WARS2: variants seen among roughly 807,000 people sequenced by gnomAD.
WARS2 encodes the protein tryptophanyl tRNA synthetase 2, mitochondrial, also known as tryptophan--tRNA ligase, mitochondrial.
Under a neutral mutation model 36.5 loss-of-function variants are expected in WARS2, and 28 were observed. That is an observed-to-expected ratio of 0.77 (90% CI 0.57 to 1.05). WARS2 has a LOEUF of 1.05. Among genes scored for constraint, WARS2 ranks in the 50% least tolerant of loss-of-function variants. WARS2 has a pLI of 0.00. For synonymous variants in WARS2, 174 were observed against 178.4 expected, an observed-to-expected ratio of 0.98 and a Z score of 0.20; for missense variants, 435 against 456.8, an observed-to-expected ratio of 0.95 and a Z score of 0.44.
At chr1:119,082,417 G>A (rs1017563257) in intron 1 of WARS2, 3 of 985,224 alleles carry the variant, frequency 3.0e-6, no homozygotes, top group Non-Finnish European at 3.6e-6. Flanking sequence ...TCAGAAACAT[G>A]CCCTGGCCCT....
chr1:119,091,951 C>T (rs587747085), intron 1 of WARS2, among the ~76,000 whole-genome samples: 56 of 152,250 alleles, frequency 3.7e-4, no homozygotes, highest in South Asian at 2.3e-3. Context: ...GGCAGTGCTT[C>T]GGAAGGATAA....
At position 119,076,497 on chromosome 1, in the gene WARS2, G is replaced by A; in HGVS notation, c.201C>T (p.Asp67=). 1 of 1,614,168 alleles carries A rather than the reference G, an allele frequency of 6.2e-7. No homozygotes were observed. ...ESWVRLQDEY[D]SVLYSIVDLH... is the part of the protein sequence containing the mutation. ...GGTCAACAATGCTGTATAATACAGAGTCATATTCATCCTGTAACCTCACCC... is the reference window on the plus strand; with the variant it reads ...GGTCAACAATGCTGTATAATACAGAATCATATTCATCCTGTAACCTCACCC... Residue 67 remains aspartate, a synonymous_variant, in exon 2 of 6, where the codon GAC becomes GAT. Coordinates refer to ENST00000235521, the MANE Select transcript of WARS2 (RefSeq NM_015836.4).
chr1:119,076,676 C>A, intron 1 of WARS2, 69 bp from the exon 2 acceptor site: 1 of 1,584,928 alleles, frequency 6.3e-7, no homozygotes, highest in South Asian at 1.2e-5. Context: ...CCCATGTTAT[C>A]ATAGCTATGG....
At chr1:119,038,949 T>G (rs1425025286) in intron 4 of WARS2, among the ~76,000 whole-genome samples, 1 of 152,246 alleles carries the variant, frequency 6.6e-6, no homozygotes, top group East Asian at 1.9e-4. Context: ...CCCAAAGTGC[T>G]GGGATTACAG....
At chr1:119,089,410 T>C (rs1327742084) in intron 1 of WARS2, among the ~76,000 whole-genome samples, 1 of 152,162 alleles carries the variant, frequency 6.6e-6, no homozygotes, top group African/African-American at 2.4e-5. Flanking sequence ...CACTAAAATA[T>C]GATTGTGATA....
chr1:119,097,066 C>T (rs2101436239), intron 1 of WARS2, among the ~76,000 whole-genome samples: 1 of 152,208 alleles, frequency 6.6e-6, no homozygotes, highest in South Asian at 2.1e-4. Flanking sequence ...GACCATCAAA[C>T]AGTAAAGGAC....
intron 1 of WARS2, among the ~76,000 whole-genome samples, chr1:119,103,061 C>T (rs1375493800): frequency 2.6e-5 from 4 of 152,258 alleles, no homozygotes; most frequent in Admixed American, 6.5e-5. Context: ...GTAATATTCA[C>T]GGAAAAGAGA....
At chr1:119,135,855 A>G (rs1345894811) in intron 1 of WARS2, among the ~76,000 whole-genome samples, 1 of 152,052 alleles carries the variant, frequency 6.6e-6, no homozygotes, top group Non-Finnish European at 1.5e-5. Context: ...TGCTCACTGA[A>G]GCCTTCCTGG....
intron 1 of WARS2, 113 bp from the exon 2 acceptor site, chr1:119,076,720 C>T: frequency 1.4e-6 from 2 of 1,430,356 alleles, no homozygotes; most frequent in Non-Finnish European, 1.9e-6. Flanking sequence ...TACAATCTGA[C>T]AGTCATCATC....
intron 1 of WARS2, chr1:119,127,381 G>A (rs761819398): frequency 8.1e-4 from 350 of 432,562 alleles, no homozygotes; most frequent in Admixed American, 2.1e-3. Flanking sequence ...AAAATCAAGC[G>A]ACTGCACAAG....
In WARS2 at chr1:119,076,210, C is replaced by T. The variant is rs1394182102; in HGVS notation, c.348+140G>A. The T allele has an allele frequency of 4.9e-6, 5 of 1,027,878 alleles. No individual in the cohort carries two copies. In the East Asian group the frequency reaches 1.3e-4, roughly 27 times the overall value. 63.7% of individuals were successfully genotyped at this position (1,027,878 alleles called of 1,614,324 possible). On this transcript the variant is annotated intron_variant, in intron 2 of 5. Transcript: ENST00000235521. ...ATATAAATACAAGTAAAACATTAAG[C>T]TGAAAAAAATCACATTTGAAAAAGT... is the stretch of plus-strand genomic sequence containing the variant.
rs142009930 is a variant in WARS2, at chr1:119,114,762, C to T, written c.90+25793G>A. 2.0e-4 allele frequency among the ~76,000 whole-genome samples: 30 copies of T among 152,282 alleles called. No individual in the cohort carries two copies. In the East Asian group the frequency reaches 5.6e-3, roughly 28 times the overall value. ...AAATAGCAATTCCCTACAATTTTAC[C>T]TACTGCAGAAGCTATAAATGAATTC... On this transcript the variant is annotated intron_variant, in intron 1 of 5. Transcript: ENST00000235521.
intron 1 of WARS2, among the ~76,000 whole-genome samples, chr1:119,135,761 G>GATAGATAGAGAGAT (rs765791930): frequency 3.0e-3 from 262 of 87,142 alleles, no homozygotes; most frequent in East Asian, 0.014. Context: ...TAGAGAGATA[G>GATAGATAGAGAGAT]AGAGAGAGAG....
At chr1:119,043,287 T>A (rs1173586872) in intron 3 of WARS2, among the ~76,000 whole-genome samples, 1 of 152,226 alleles carries the variant, frequency 6.6e-6, no homozygotes, top group East Asian at 1.9e-4. Context: ...ATTGAGTTAA[T>A]CTGAATCATT....
intron 4 of WARS2, among the ~76,000 whole-genome samples, chr1:119,038,939 C>A (rs1333005879): frequency 6.6e-6 from 1 of 152,222 alleles, no homozygotes; most frequent in Non-Finnish European, 1.5e-5. Context: ...GCCTCGGCCT[C>A]CCAAAGTGCT....
intron 2 of WARS2, among the ~76,000 whole-genome samples, chr1:119,073,160 GAAAAAAAAA>G (rs200552851): frequency 1.6e-5 from 1 of 61,774 alleles, no homozygotes; most frequent in Admixed American, 2.8e-4. Flanking sequence ...GTTCAAAAAA[GAAAAAAAAA>G]AAAAGAAAAG....
chr1:119,081,540 T>C (rs2885226), intron 1 of WARS2, among the ~76,000 whole-genome samples: 63,230 of 152,090 alleles, frequency 0.42, 13,944 homozygotes, highest in African/African-American at 0.54. Context: ...CTATGTCTTA[T>C]TGGTTACATA....
intron 1 of WARS2, among the ~76,000 whole-genome samples, chr1:119,077,879 G>C (rs1268284073): frequency 6.6e-6 from 1 of 152,120 alleles, no homozygotes; most frequent in African/African-American, 2.4e-5. Flanking sequence ...AAAAGGCCCT[G>C]AGAAAATATA....
At position 119,124,498 on chromosome 1, in the gene WARS2, GAATGAAATGA is replaced by G. The variant is rs587653619; in HGVS notation, c.90+16047_90+16056del. On this transcript the variant is annotated intron_variant, in intron 1 of 5. Transcript: ENST00000235521. ...GAGTGAGGCTCTGTCTCAAAAATTG[GAATGAAATGA>G]AATGAAATGAAATGACATGAAATAA... Among the ~76,000 whole-genome samples the G allele has an allele frequency of 8.2e-3, 1,237 of 151,356 alleles. 13 individuals carry two copies. The highest frequency in any genetic ancestry group is 0.028 in the African/African-American group (1,150 of 41,294).
Sources: allele counts gnomAD v4.1 joint callset (sites outside exome capture counted in the v4.1 genomes callset), GRCh38; gene constraint gnomAD v4.1.1; transcripts MANE v1.5; gene names NCBI Gene and HGNC (gene_info 2026-07-23, HGNC 2026-07-21).